PRKD1: variants seen among roughly 807,000 people sequenced by gnomAD.
The protein encoded by PRKD1 is serine/threonine-protein kinase D1.
A neutral mutation model predicts 95.9 loss-of-function variants in PRKD1; 63 were observed. The observed-to-expected ratio is 0.66, with a 90% CI of 0.54 to 0.81. The LOEUF is 0.81. Among genes scored for constraint, PRKD1 ranks in the 30% least tolerant of loss-of-function variants. The pLI is 0.00. For missense variants in PRKD1, 1,048 were observed against 1,165.3 expected, an observed-to-expected ratio of 0.90 and a Z score of 1.47; for synonymous variants, 425 against 423.1, an observed-to-expected ratio of 1.00 and a Z score of -0.05.
intron 1 of PRKD1, among the ~76,000 whole-genome samples, chr14:29,841,250 T>C (rs1018205823): frequency 1.3e-5 from 2 of 152,224 alleles, no homozygotes; most frequent in African/African-American, 4.8e-5. Flanking sequence ...GACTGTGGAC[T>C]TTTGAGTTAA....
chr14:29,883,176 TC>T (rs1251499703), intron 1 of PRKD1, among the ~76,000 whole-genome samples: 1 of 151,852 alleles, frequency 6.6e-6, no homozygotes, highest in African/African-American at 2.4e-5. Flanking sequence ...AAAAACCAGA[TC>T]CCATGAGTAT....
intron 1 of PRKD1, among the ~76,000 whole-genome samples, chr14:29,786,069 T>C (rs1889261951): frequency 6.6e-6 from 1 of 152,170 alleles, no homozygotes; most frequent in Admixed American, 6.5e-5. Context: ...TGAAACTTTA[T>C]CAAATGCACT....
chr14:29,581,508 C>T (rs1008795819), intron 16 of PRKD1, among the ~76,000 whole-genome samples: 3 of 152,134 alleles, frequency 2.0e-5, no homozygotes, highest in African/African-American at 7.2e-5. Flanking sequence ...CAAAGTCAGA[C>T]AGCTCCTAGG....
intron 1 of PRKD1, among the ~76,000 whole-genome samples, chr14:29,777,604 T>A (rs1888827627): frequency 1.3e-5 from 2 of 152,170 alleles, no homozygotes; most frequent in Non-Finnish European, 2.9e-5. Flanking sequence ...CTATCCTAAA[T>A]ATATATGAAC....
chr14:29,618,250 C>T (rs549059820), intron 13 of PRKD1, among the ~76,000 whole-genome samples: 1 of 143,170 alleles, frequency 7.0e-6, no homozygotes, highest in Non-Finnish European at 1.5e-5. Context: ...AGCTTAATAT[C>T]TACATTCATT....
At chr14:29,915,494 A>T (rs1325966711) in intron 1 of PRKD1, among the ~76,000 whole-genome samples, 1 of 152,222 alleles carries the variant, frequency 6.6e-6, no homozygotes, top group African/African-American at 2.4e-5. Flanking sequence ...ATATTTCTCA[A>T]ATTTCACTAA....
intron 13 of PRKD1, among the ~76,000 whole-genome samples, chr14:29,622,466 C>G (rs761453912): frequency 6.6e-6 from 1 of 150,380 alleles, no homozygotes; most frequent in Non-Finnish European, 1.5e-5. Context: ...GGCAATGGCA[C>G]GATCTTGGCT....
intron 1 of PRKD1, among the ~76,000 whole-genome samples, chr14:29,860,027 C>G (rs1015661776): frequency 2.6e-5 from 4 of 152,144 alleles, no homozygotes; most frequent in African/African-American, 4.8e-5. Flanking sequence ...TAATTCAGTA[C>G]TAGTCAAATT....
At chr14:29,758,881 A>T (rs1887835900) in intron 1 of PRKD1, among the ~76,000 whole-genome samples, 1 of 152,228 alleles carries the variant, frequency 6.6e-6, no homozygotes. Context: ...CTCTTGTCAC[A>T]TCAGTTATTT....
intron 16 of PRKD1, among the ~76,000 whole-genome samples, chr14:29,586,895 G>A (rs1206879694): frequency 2.0e-5 from 3 of 152,112 alleles, no homozygotes; most frequent in Non-Finnish European, 2.9e-5. Flanking sequence ...AAAGTGCTGG[G>A]ATTACAGGTG....
At chr14:29,903,478 C>T (rs1894391581) in intron 1 of PRKD1, among the ~76,000 whole-genome samples, 2 of 152,306 alleles carry the variant, frequency 1.3e-5, no homozygotes, top group South Asian at 2.1e-4. Context: ...GAGTACAGTT[C>T]TCTTTGTTGT....
chr14:29,608,317 T>C (rs1186102690), intron 13 of PRKD1, among the ~76,000 whole-genome samples: 2 of 152,160 alleles, frequency 1.3e-5, no homozygotes, highest in Admixed American at 1.3e-4. Flanking sequence ...ACTCATACTT[T>C]ATCCTCATTT....
chr14:29,799,946 TG>T (rs1889959643), intron 1 of PRKD1, among the ~76,000 whole-genome samples: 1 of 152,286 alleles, frequency 6.6e-6, no homozygotes, highest in Non-Finnish European at 1.5e-5. Flanking sequence ...TTGGTGATCG[TG>T]CTGCTCAAAA....
intron 1 of PRKD1, among the ~76,000 whole-genome samples, chr14:29,778,418 A>G (rs1457213440): frequency 1.3e-5 from 2 of 152,202 alleles, no homozygotes; most frequent in African/African-American, 4.8e-5. Flanking sequence ...AAAAGAGAGA[A>G]GATTCAAATA....
intron 1 of PRKD1, among the ~76,000 whole-genome samples, chr14:29,822,730 A>T (rs1490418744): frequency 6.6e-6 from 1 of 152,100 alleles, no homozygotes; most frequent in Non-Finnish European, 1.5e-5. Flanking sequence ...GGTTTTGTTC[A>T]TGCATATCTG....
intron 13 of PRKD1, among the ~76,000 whole-genome samples, chr14:29,611,064 G>A (rs1348520240): frequency 6.6e-6 from 1 of 152,212 alleles, no homozygotes; most frequent in Non-Finnish European, 1.5e-5. Flanking sequence ...GATACTATAT[G>A]ATGGATACAT....
chr14:29,781,204 G>T (rs2139168495), intron 1 of PRKD1, among the ~76,000 whole-genome samples: 1 of 151,630 alleles, frequency 6.6e-6, no homozygotes, highest in East Asian at 1.9e-4. Flanking sequence ...CGAGTTAATG[G>T]GTGCAGCACA....
intron 1 of PRKD1, among the ~76,000 whole-genome samples, chr14:29,799,455 T>C (rs903618814): frequency 1.3e-5 from 2 of 152,264 alleles, no homozygotes; most frequent in African/African-American, 4.8e-5. Flanking sequence ...AAAGAAAGCA[T>C]ACTGCCATTG....
At chr14:29,665,263 G>T (rs1882422664) in intron 3 of PRKD1, among the ~76,000 whole-genome samples, 1 of 152,100 alleles carries the variant, frequency 6.6e-6, no homozygotes, top group African/African-American at 2.4e-5. Context: ...GTGTACATGT[G>T]GTTTTCAGTA....
Sources: allele counts gnomAD v4.1 joint callset (sites outside exome capture counted in the v4.1 genomes callset), GRCh38; gene constraint gnomAD v4.1.1; transcripts MANE v1.5; gene names NCBI Gene and HGNC (gene_info 2026-07-23, HGNC 2026-07-21).